The following MYOCD variants were observed in gnomAD, a reference collection of about 807,000 sequenced individuals.
MYOCD encodes the protein myocardin.
In MYOCD, 32 loss-of-function variants were observed where a neutral mutation model predicts 96.1. The ratio of observed to expected loss-of-function variants is 0.33; its 90% CI spans 0.25 to 0.45. The LOEUF is 0.45. MYOCD is among the 20% of genes least tolerant of loss of function. MYOCD has a pLI of 1.00. For synonymous variants in MYOCD, 469 were observed against 469.0 expected, an observed-to-expected ratio of 1.00 and a Z score of 0.00; for missense variants, 1,133 against 1,200.6, an observed-to-expected ratio of 0.94 and a Z score of 0.83.
intron 1 of MYOCD, among the ~76,000 whole-genome samples, chr17:12,684,827 T>G (rs1293054300): frequency 7.5e-6 from 1 of 132,886 alleles, no homozygotes; most frequent in East Asian, 2.2e-4. Context: ...GCTGGGGAAA[T>G]AGAGTGAGAA....
rs568883129 is a variant in MYOCD at position 12,681,512 on chromosome 17, G to T, written c.55+15269G>T. On this transcript the variant is annotated intron_variant, in intron 1 of 13. Coordinates refer to ENST00000425538, the MANE Select transcript of MYOCD (RefSeq NM_001146312.3). ...TCTAAAACAACTTGAGCCCATGCGT[G>T]AGGCTCAATCATTGAAATCACTGCA... Among the ~76,000 whole-genome samples the T allele has an allele frequency of 5.3e-5, 8 of 152,330 alleles. No individual in the cohort carries two copies. In the South Asian group the frequency reaches 1.0e-3, roughly 20 times the overall value.
Position 12,745,902 on chromosome 17 carries a change from CTTTG to C in MYOCD, c.972-9_972-6del, listed in dbSNP as rs765026513. 20 of 1,612,976 alleles carry C rather than the reference CTTTG, an allele frequency of 1.2e-5. No homozygotes were observed. Among genetic ancestry groups the C allele is most frequent in the Middle Eastern group, 3.3e-4 (2 of 6,078 alleles). ...ATATTTGATTGTACTTGAAATGCCT[CTTTG>C]TTTGTTTTTTAGGGAACCAAATGAA... On this transcript the variant is annotated splice_polypyrimidine_tract_variant and intron_variant, in intron 8 of 13. Coordinates refer to ENST00000425538, the MANE Select transcript of MYOCD (RefSeq NM_001146312.3).
chr17:12,682,341 T>C (rs1229316879), intron 1 of MYOCD, among the ~76,000 whole-genome samples: 1 of 152,210 alleles, frequency 6.6e-6, no homozygotes. Context: ...AGCTTCCAGC[T>C]CTGGAGGAGA....
At chr17:12,694,688 C>T (rs1375685543) in intron 1 of MYOCD, among the ~76,000 whole-genome samples, 3 of 152,072 alleles carry the variant, frequency 2.0e-5, no homozygotes, top group African/African-American at 4.8e-5. Flanking sequence ...TATTGTCATA[C>T]GTACCAAACG....
chr17:12,680,852 T>A (rs552048761), intron 1 of MYOCD, among the ~76,000 whole-genome samples: 9 of 152,330 alleles, frequency 5.9e-5, no homozygotes, highest in African/African-American at 2.2e-4. Flanking sequence ...AGTGACAGTG[T>A]TGTCAGCTGC....
intron 1 of MYOCD, among the ~76,000 whole-genome samples, chr17:12,702,645 G>C (rs567458713): frequency 2.7e-5 from 4 of 149,708 alleles, no homozygotes; most frequent in Non-Finnish European, 4.5e-5. Context: ...TGCCTTCTTT[G>C]GATTACTTGA....
rs376894036 is a variant in MYOCD at position 12,753,085 on chromosome 17, G to A, written c.1797G>A (p.Pro599=). 39 of 1,614,038 alleles carry A rather than the reference G, an allele frequency of 2.4e-5. 1 individual carries two copies. The highest frequency in any genetic ancestry group is 1.1e-4 in the African/African-American group (8 of 74,924). The change falls in exon 10 of 14, where the codon CCG becomes CCA. Residue 599 remains proline (P), a synonymous_variant. Transcript: ENST00000425538. The stretch of plus-strand genomic sequence containing the variant: ...GCAGCAGCTCAGAGTGTCACCCACC[G>A]GCTTGTGAAGCTGCTCAACTCCAGC... ...RQSSSSECHP[P]ACEAAQLQPL... is the part of the protein sequence containing the mutation.
chr17:12,695,465 T>A (rs2030700332), intron 1 of MYOCD, among the ~76,000 whole-genome samples: 1 of 152,188 alleles, frequency 6.6e-6, no homozygotes, highest in Non-Finnish European at 1.5e-5. Flanking sequence ...CCAGAGCAGA[T>A]AAATATGTTT....
At chr17:12,698,109 C>T (rs1159037624) in intron 1 of MYOCD, among the ~76,000 whole-genome samples, 3 of 152,074 alleles carry the variant, frequency 2.0e-5, no homozygotes, top group African/African-American at 7.2e-5. Flanking sequence ...CATAAGGAGC[C>T]ACCGCAAGAT....
rs1363157099 is a variant in MYOCD at position 12,680,451 on chromosome 17, C to G, written c.55+14208C>G. 5.9e-5 allele frequency among the ~76,000 whole-genome samples: 9 copies of G among 152,288 alleles called. No individual in the cohort carries two copies. The South Asian group carries it at 1.9e-3, about 32-fold the overall frequency. ...GCACTTGAACTCAGATCTCCTGGCA[C>G]CCAATCTTGTGGCCTCTCTCGATGA... On this transcript the variant is annotated intron_variant, in intron 1 of 13. Coordinates refer to ENST00000425538, the MANE Select transcript of MYOCD (RefSeq NM_001146312.3).
intron 1 of MYOCD, among the ~76,000 whole-genome samples, chr17:12,703,264 G>A (rs747612408): frequency 5.4e-4 from 82 of 151,848 alleles, no homozygotes; most frequent in Non-Finnish European, 1.0e-3. Context: ...TCCCCCACCT[G>A]TTTTTAAGAT....
intron 7 of MYOCD, among the ~76,000 whole-genome samples, chr17:12,742,448 C>T (rs546139625): frequency 6.6e-6 from 1 of 152,246 alleles, no homozygotes; most frequent in East Asian, 1.9e-4. Context: ...GTTCAGGAGC[C>T]CCCTCTTCTG....
chr17:12,671,723 A>G (rs868710399), intron 1 of MYOCD: 110 of 152,364 alleles, frequency 7.2e-4, no homozygotes, highest in African/African-American at 2.5e-3. Flanking sequence ...GGCTTGAACC[A>G]GATTGAATGT....
In MYOCD at chr17:12,744,420, C is replaced by T; in HGVS notation, c.955C>T (p.His319Tyr). The change falls in exon 8 of 14, where the codon CAC becomes TAC. Residue 319 changes from histidine to tyrosine, a missense_variant. By Grantham distance (83) the His-to-Tyr change is moderately conservative. Transcript: ENST00000425538. ...QQHRFSYLGM[H>Y]QAQLKEPNEQ... ...ACACCGATTCAGCTACCTAGGGATG[C>T]ACCAAGCTCAGCTTAAGTAAGTCCG... is the stretch of plus-strand genomic sequence containing the variant. 1 of 1,611,746 alleles carries T rather than the reference C, an allele frequency of 6.2e-7. No individual in the cohort carries two copies. Among genetic ancestry groups the T allele is most frequent in the South Asian group, 1.1e-5 (1 of 90,824 alleles).
chr17:12,766,743 G>T lies in MYOCD; in HGVS notation c.*3099G>T, dbSNP rs2033349194. 1 of 152,196 alleles carries T rather than the reference G, an allele frequency of 6.6e-6. No homozygotes were observed. Among genetic ancestry groups the T allele is most frequent in the South Asian group, 2.1e-4 (1 of 4,836 alleles). 9.4% of individuals were successfully genotyped at this position (152,196 alleles called of 1,614,324 possible). A position where few individuals can be genotyped will look rare whatever the true frequency, so the allele number is the denominator to read the frequency against. On this transcript the variant is annotated 3_prime_UTR_variant, in exon 14 of 14. Coordinates refer to ENST00000425538, the MANE Select transcript of MYOCD (RefSeq NM_001146312.3). The stretch of plus-strand genomic sequence containing the variant: ...TCTTAGAACCTGAAGATGACCATGT[G>T]TAGTTTTCTTAAGACCTCTGAACCC...
intron 4 of MYOCD, among the ~76,000 whole-genome samples, chr17:12,721,931 A>G (rs746459216): frequency 5.9e-4 from 90 of 152,322 alleles, no homozygotes; most frequent in Middle Eastern, 6.8e-3. Flanking sequence ...GGCAGCTTCC[A>G]CAGCCAAGCC....
At chr17:12,732,872 C>T (rs551801745) in intron 5 of MYOCD, among the ~76,000 whole-genome samples, 5 of 152,272 alleles carry the variant, frequency 3.3e-5, no homozygotes, top group East Asian at 1.9e-4. Context: ...GAGGCAAGTC[C>T]GAATTAAATT....
At chr17:12,757,586 TC>T (rs981108743) in intron 11 of MYOCD, among the ~76,000 whole-genome samples, 2 of 152,132 alleles carry the variant, frequency 1.3e-5, no homozygotes, top group African/African-American at 4.8e-5. Flanking sequence ...AACCTCCACC[TC>T]CCAGGTTCAA....
intron 1 of MYOCD, chr17:12,671,801 A>T (rs1909725073): frequency 6.6e-6 from 1 of 152,230 alleles, no homozygotes; most frequent in African/African-American, 2.4e-5. Flanking sequence ...TACTCCACCC[A>T]GGGTTAGAAT....
Sources: allele counts gnomAD v4.1 joint callset (sites outside exome capture counted in the v4.1 genomes callset), GRCh38; gene constraint gnomAD v4.1.1; transcripts MANE v1.5; gene names NCBI Gene and HGNC (gene_info 2026-07-23, HGNC 2026-07-21).